Variants in RGL1 observed in about 807,000 individuals in gnomAD.
The protein encoded by RGL1 is ral guanine nucleotide dissociation stimulator like 1.
RGL1 carries 24 observed loss-of-function variants against 95.2 expected under a neutral mutation model. The ratio of observed to expected loss-of-function variants is 0.25; its 90% CI spans 0.18 to 0.35. RGL1 has a LOEUF of 0.35. Ranked by LOEUF, RGL1 falls within the 10% of genes least tolerant of loss-of-function variation. The pLI, the probability that RGL1 is intolerant of heterozygous loss-of-function variation, is 1.00. For missense variants in RGL1, 715 were observed against 936.3 expected (o/e 0.76, Z 3.08); for synonymous variants, 329 against 344.9 (o/e 0.95, Z 0.51).
intron 2 of RGL1, among the ~76,000 whole-genome samples, chr1:183,767,553 A>G (rs559093116): frequency 1.9e-4 from 29 of 152,348 alleles, no homozygotes; most frequent in African/African-American, 6.7e-4. Flanking sequence ...CTTTAGTGCT[A>G]GTACTATCTA....
At chr1:183,690,560 T>C (rs780578739) in intron 1 of RGL1, among the ~76,000 whole-genome samples, 1 of 152,146 alleles carries the variant, frequency 6.6e-6, no homozygotes, top group African/African-American at 2.4e-5. Context: ...CTTTAGCTGA[T>C]TGTCAAAAGA....
intron 12 of RGL1, among the ~76,000 whole-genome samples, chr1:183,903,272 T>C (rs1280962825): frequency 6.6e-6 from 1 of 152,146 alleles, no homozygotes; most frequent in Non-Finnish European, 1.5e-5. Flanking sequence ...GGAAATGGCC[T>C]TCGTCTTCGG....
upstream of RGL1, among the ~76,000 whole-genome samples, chr1:183,800,599 A>G (rs1558213885): frequency 6.6e-6 from 1 of 152,248 alleles, no homozygotes; most frequent in African/African-American, 2.4e-5. Flanking sequence ...AAAGATCTCT[A>G]GAACTTATTC....
At chr1:183,672,184 C>T (rs927704205) in intron 1 of RGL1, among the ~76,000 whole-genome samples, 3 of 152,096 alleles carry the variant, frequency 2.0e-5, no homozygotes, top group East Asian at 1.9e-4. Flanking sequence ...CTACCTGCCT[C>T]GGCCTCCCAA....
intron 1 of RGL1, 104 bp downstream of exon 1, chr1:183,805,428 C>G: frequency 1.0e-6 from 1 of 963,964 alleles, no homozygotes; most frequent in Non-Finnish European, 1.6e-6. Flanking sequence ...CGGAGCAATC[C>G]GATTCCATAC....
At chr1:183,735,507 C>G (rs974233353) in intron 1 of RGL1, among the ~76,000 whole-genome samples, 7 of 152,242 alleles carry the variant, frequency 4.6e-5, no homozygotes, top group Middle Eastern at 3.4e-3. Flanking sequence ...AGCTGGCAGG[C>G]TAGCAGGGGA....
At chr1:183,828,017 C>T (rs1295219076) in intron 2 of RGL1, among the ~76,000 whole-genome samples, 4 of 152,146 alleles carry the variant, frequency 2.6e-5, no homozygotes. Context: ...TTTGTTTTCA[C>T]CAAATAAATA....
At position 183,658,449 on chromosome 1, in the gene RGL1, C is replaced by T. The variant is rs946192193; in HGVS notation, c.-33+21948C>T. 2.0e-5 allele frequency among the ~76,000 whole-genome samples: 3 copies of T among 152,148 alleles called. No individual in the cohort carries two copies. The South Asian group carries it at 6.2e-4, about 32-fold the overall frequency. On this transcript the variant is annotated intron_variant, in intron 1 of 18. Transcript: ENST00000304685. ...AGGGTCCTACGCCCACGGAGTCTCGCTGATTGCTAGCACAGCAGTCTGAGA... is the reference window on the plus strand; with the variant it reads ...AGGGTCCTACGCCCACGGAGTCTCGTTGATTGCTAGCACAGCAGTCTGAGA...
At chr1:183,923,953 C>G (rs1180987472) in intron 17 of RGL1, among the ~76,000 whole-genome samples, 3 of 152,184 alleles carry the variant, frequency 2.0e-5, no homozygotes, top group African/African-American at 7.2e-5. Flanking sequence ...CCTCCCCGAC[C>G]CCACTACCAC....
chr1:183,808,302 C>T (rs916301972), intron 2 of RGL1, among the ~76,000 whole-genome samples: 1 of 152,098 alleles, frequency 6.6e-6, no homozygotes. Context: ...GTTAATTCAC[C>T]CTGGATTCAA....
At chr1:183,639,879 T>C (rs547971086) in intron 1 of RGL1, among the ~76,000 whole-genome samples, 35 of 152,002 alleles carry the variant, frequency 2.3e-4, no homozygotes, top group Non-Finnish European at 4.9e-4. Context: ...AGTCTCACTC[T>C]GTCGCCAGGC....
In RGL1 at chr1:183,744,360, G is replaced by A. The variant is rs1241488099; in HGVS notation, c.132+2071G>A. On this transcript the variant is annotated intron_variant, in intron 2 of 18. Coordinates refer to the RGL1 transcript ENST00000304685. ...ATAAACTCCACAGGTGGTAGATGAA[G>A]TCTTTGTGTATCTTACCTAACAGGT... Among the ~76,000 whole-genome samples the A allele has an allele frequency of 2.0e-5, 3 of 151,686 alleles. No homozygotes were observed. In the East Asian group the frequency reaches 5.8e-4, roughly 29 times the overall value.
chr1:183,682,501 T>C (rs1340484919), intron 1 of RGL1, among the ~76,000 whole-genome samples: 1 of 152,202 alleles, frequency 6.6e-6, no homozygotes, highest in East Asian at 1.9e-4. Flanking sequence ...TAATCCTGAG[T>C]TCTAATTTGA....
At chr1:183,680,581 C>A (rs1338414479) in intron 1 of RGL1, among the ~76,000 whole-genome samples, 3 of 152,052 alleles carry the variant, frequency 2.0e-5, no homozygotes, top group African/African-American at 7.2e-5. Context: ...TTACTATAGC[C>A]TTGTAGTACA....
intron 1 of RGL1, chr1:183,648,558 G>A (rs16861394): frequency 0.038 from 61,486 of 1,614,102 alleles, 2,038 homozygotes; most frequent in African/African-American, 0.17. Flanking sequence ...CAGGCTACCA[G>A]AAGAAGTTTT....
intron 1 of RGL1, among the ~76,000 whole-genome samples, chr1:183,730,455 A>C (rs1471734245): frequency 6.6e-6 from 1 of 152,150 alleles, no homozygotes; most frequent in Non-Finnish European, 1.5e-5. Flanking sequence ...TGAGTGTGTT[A>C]GGTTGGCTCA....
intron 15 of RGL1, 51 bp from the exon 16 acceptor site, chr1:183,916,396 G>C (rs1316473514): frequency 1.3e-6 from 2 of 1,597,606 alleles, no homozygotes; most frequent in Non-Finnish European, 1.7e-6. Flanking sequence ...TTGCAAAGCT[G>C]TTGGCCAGCG....
intron 1 of RGL1, among the ~76,000 whole-genome samples, chr1:183,699,008 C>T (rs1654427319): frequency 6.6e-6 from 1 of 152,234 alleles, no homozygotes; most frequent in Admixed American, 6.5e-5. Flanking sequence ...CTATAACATC[C>T]ATACTCTCAT....
chr1:183,875,611 C>T (rs1208069926), intron 4 of RGL1, among the ~76,000 whole-genome samples: 1 of 152,080 alleles, frequency 6.6e-6, no homozygotes, highest in East Asian at 1.9e-4. Flanking sequence ...TGCGGTGGCT[C>T]ATGCCTGTAA....
Sources: gnomAD v4.1 joint callset for allele counts (sites outside exome capture counted in the v4.1 genomes callset) on GRCh38, gnomAD v4.1.1 for gene constraint, MANE v1.5 for transcripts, NCBI Gene and HGNC (gene_info 2026-07-23, HGNC 2026-07-21) for gene names.